SPATA6L: variants seen among roughly 807,000 people sequenced by gnomAD.
SPATA6L encodes the protein spermatogenesis associated 6-like protein.
In SPATA6L, 68 loss-of-function variants were observed where a neutral mutation model predicts 49.2. The ratio of observed to expected loss-of-function variants is 1.38; its 90% confidence interval spans 1.14 to 1.69. The LOEUF is 1.69. SPATA6L is among the 40% of genes most tolerant of loss of function. SPATA6L has a pLI of 0.00. For missense variants in SPATA6L, 668 were observed against 464.3 expected, an observed-to-expected ratio of 1.44 and a Z score of -4.03; for synonymous variants, 198 against 165.7, an observed-to-expected ratio of 1.19 and a Z score of -1.50.
At position 4,622,405 on chromosome 9, in the gene SPATA6L, T is replaced by G; in HGVS notation, c.772+3A>C. On this transcript the variant is annotated splice_donor_region_variant and intron_variant, in intron 7 of 11. Coordinates refer to ENST00000682582, the MANE Select transcript of SPATA6L (RefSeq NM_001353486.2). ...GTACAGGAGTAACAAGAAACTCGAG[T>G]ACCTCTTCTCGTTGGAAACGGAAAG... The G allele has an allele frequency of 6.3e-7, 1 of 1,587,776 alleles. No individual in the cohort carries two copies. The highest frequency in any genetic ancestry group is 8.6e-7 in the Non-Finnish European group (1 of 1,156,358).
intron 9 of SPATA6L, among the ~76,000 whole-genome samples, chr9:4,611,447 A>T (rs1225657536): frequency 1.3e-5 from 2 of 149,490 alleles, no homozygotes; most frequent in Non-Finnish European, 2.9e-5. Context: ...GCACATATAT[A>T]CCACGGAATA....
chr9:4,663,143 C>T (rs1388993822), intron 1 of SPATA6L: 1 of 1,614,058 alleles, frequency 6.2e-7, no homozygotes, highest in Non-Finnish European at 8.5e-7. Flanking sequence ...TGGGGCGGCA[C>T]AATGTCACCG....
chr9:4,602,305 T>C (rs142704685), intron 11 of SPATA6L, among the ~76,000 whole-genome samples: 41 of 152,238 alleles, frequency 2.7e-4, no homozygotes, highest in African/African-American at 9.6e-4. Context: ...CCTAAATAAT[T>C]GCCTAGACGG....
intron 3 of SPATA6L, among the ~76,000 whole-genome samples, chr9:4,644,235 T>C (rs1363705674): frequency 7.7e-6 from 1 of 130,048 alleles, no homozygotes; most frequent in Non-Finnish European, 1.6e-5. Flanking sequence ...CTGGGCATGG[T>C]GCATGCCTGT....
chr9:4,641,216 T>G (rs1833965450), intron 3 of SPATA6L, among the ~76,000 whole-genome samples: 1 of 152,156 alleles, frequency 6.6e-6, no homozygotes, highest in African/African-American at 2.4e-5. Context: ...CTATATATAC[T>G]AAATACTAAA....
chr9:4,650,318 C>CTG (rs1836516745), intron 3 of SPATA6L, among the ~76,000 whole-genome samples: 1 of 152,188 alleles, frequency 6.6e-6, no homozygotes, highest in African/African-American at 2.4e-5. Flanking sequence ...ATTCTTTCAA[C>CTG]TGAGTAACAT....
chr9:4,603,523 G>A (rs1823898553), intron 11 of SPATA6L, among the ~76,000 whole-genome samples: 1 of 152,182 alleles, frequency 6.6e-6, no homozygotes, highest in South Asian at 2.1e-4. Flanking sequence ...AGATGGGTAG[G>A]CAGGTTCTTG....
downstream of SPATA6L, among the ~76,000 whole-genome samples, chr9:4,593,492 G>T (rs1007455818): frequency 6.6e-6 from 1 of 151,964 alleles, no homozygotes; most frequent in Non-Finnish European, 1.5e-5. Context: ...GGAGTTGTCA[G>T]GATAAAAACT....
chr9:4,661,490 G>T (rs1716110236), intron 2 of SPATA6L, among the ~76,000 whole-genome samples: 1 of 150,282 alleles, frequency 6.7e-6, no homozygotes, highest in Admixed American at 6.7e-5. Context: ...TTAGTTACAG[G>T]ATTTAACTAA....
chr9:4,605,829 A>G (rs909695084), intron 9 of SPATA6L, among the ~76,000 whole-genome samples: 5 of 152,264 alleles, frequency 3.3e-5, no homozygotes, highest in Non-Finnish European at 4.4e-5. Flanking sequence ...GAATAGGAAC[A>G]GCTCCGGTCT....
rs12350444 is a variant in SPATA6L at position 4,635,759 on chromosome 9, T to C, written c.227-360A>G. Among the ~76,000 whole-genome samples, 1,440 of 152,334 alleles carry C rather than the reference T, an allele frequency of 9.5e-3. 19 individuals are homozygous for C. The highest frequency in any genetic ancestry group is 0.032 in the African/African-American group (1,328 of 41,568). Reference sequence around the variant, plus strand: ...GAACAGGAACAAGGTGGACATAGCATTGTTCACACAACTTTACAGTTTAGA... The same window carrying C: ...GAACAGGAACAAGGTGGACATAGCACTGTTCACACAACTTTACAGTTTAGA... On this transcript the variant is annotated intron_variant, in intron 3 of 11. Transcript: ENST00000682582.
intron 11 of SPATA6L, among the ~76,000 whole-genome samples, chr9:4,602,674 G>C (rs928998374): frequency 6.6e-6 from 1 of 152,150 alleles, no homozygotes; most frequent in Non-Finnish European, 1.5e-5. Context: ...CAATGCCCAC[G>C]AACTCTGCTT....
intron 3 of SPATA6L, among the ~76,000 whole-genome samples, chr9:4,638,887 C>T (rs558511551): frequency 2.0e-5 from 3 of 151,168 alleles, no homozygotes; most frequent in East Asian, 2.0e-4. Flanking sequence ...CGGGTTCAAG[C>T]GATTCTCCTG....
At chr9:4,630,394 G>T (rs192177781) in intron 4 of SPATA6L, among the ~76,000 whole-genome samples, 1 of 152,278 alleles carries the variant, frequency 6.6e-6, no homozygotes, top group South Asian at 2.1e-4. Context: ...TGGCACCACA[G>T]GGACAGGACC....
chr9:4,623,625 TAA>T (rs974959626), intron 6 of SPATA6L, among the ~76,000 whole-genome samples: 1 of 152,028 alleles, frequency 6.6e-6, no homozygotes, highest in South Asian at 2.1e-4. Flanking sequence ...TCTGACTAAA[TAA>T]AAAAATTAAA....
chr9:4,606,375 C>A (rs1381009030), intron 9 of SPATA6L, among the ~76,000 whole-genome samples: 1 of 129,506 alleles, frequency 7.7e-6, no homozygotes, highest in Non-Finnish European at 1.6e-5. Context: ...ACAGCAGTAA[C>A]CTCTGCAGAC....
intron 5 of SPATA6L, chr9:4,627,586 C>T (rs1203923701): frequency 2.4e-6 from 1 of 423,814 alleles, no homozygotes; most frequent in East Asian, 7.5e-5. Context: ...ACCTTTATTC[C>T]TTCTCCATCT....
In SPATA6L at chr9:4,608,151, C is replaced by T. The variant is rs1825772789; in HGVS notation, c.996-2711G>A. 2.1e-5 allele frequency among the ~76,000 whole-genome samples: 2 copies of T among 95,978 alleles called. 1 individual carries two copies. Among genetic ancestry groups the T allele is most frequent in the South Asian group, 8.8e-4 (2 of 2,280 alleles). The allele number at this position is 95,978 out of a possible 152,430, so 63.0% of individuals were successfully genotyped here. ...AGCACCCAGATTCATAAAGCAAGTC[C>T]TGAGTGACCTACAAAGAGACTTAGA... On this transcript the variant is annotated intron_variant, in intron 9 of 11. Coordinates refer to ENST00000682582, the MANE Select transcript of SPATA6L (RefSeq NM_001353486.2).
At chr9:4,611,699 G>A (rs180762926) in intron 9 of SPATA6L, among the ~76,000 whole-genome samples, 2 of 150,352 alleles carry the variant, frequency 1.3e-5, no homozygotes, top group South Asian at 2.1e-4. Flanking sequence ...CCTAATGCTA[G>A]ATGACGAGTT....
Sources: gnomAD v4.1 joint callset for allele counts (sites outside exome capture counted in the v4.1 genomes callset) on GRCh38, gnomAD v4.1.1 for gene constraint, MANE v1.5 for transcripts, NCBI Gene and HGNC (gene_info 2026-07-23, HGNC 2026-07-21) for gene names.